PAX2: variants seen among roughly 807,000 people sequenced by gnomAD.
The protein encoded by PAX2 is paired box 2, also known as paired box protein Pax-2.
A neutral mutation model predicts 41.7 loss-of-function variants in PAX2; 9 were observed. The observed-to-expected ratio is 0.22, with a 90% CI of 0.13 to 0.38. The LOEUF is 0.38. PAX2 is among the 10% of genes least tolerant of loss of function. The pLI, the probability that PAX2 is intolerant of heterozygous loss-of-function variation, is 1.00. For missense variants in PAX2, 418 were observed against 531.6 expected (o/e 0.79, Z 2.10); for synonymous variants, 221 against 212.7 (o/e 1.04, Z -0.34).
At chr10:100,818,336 T>G (rs1308246545) in intron 7 of PAX2, among the ~76,000 whole-genome samples, 3 of 152,234 alleles carry the variant, frequency 2.0e-5, no homozygotes, top group Admixed American at 2.0e-4. Context: ...TTTTATTTCC[T>G]TGATCTTCTG....
chr10:100,773,624 G>A (rs1375121010), intron 3 of PAX2, among the ~76,000 whole-genome samples: 3 of 152,052 alleles, frequency 2.0e-5, no homozygotes, highest in Non-Finnish European at 4.4e-5. Flanking sequence ...AAAAGTTCCC[G>A]GTCTGCCTGG....
intron 7 of PAX2, among the ~76,000 whole-genome samples, chr10:100,810,857 G>A (rs1441927283): frequency 2.7e-5 from 4 of 146,758 alleles, no homozygotes; most frequent in African/African-American, 7.4e-5. Context: ...GCCCCCACCC[G>A]CCTCCCCCCC....
rs200331987 is a variant in PAX2, at chr10:100,806,408, C to T, written c.617-22C>T. The T allele has an allele frequency of 5.6e-6, 9 of 1,613,720 alleles. No homozygotes were observed. The Admixed American group carries it at 8.3e-5, about 15-fold the overall frequency. Reference sequence around the variant, plus strand: ...CTCTGCTGGCCTGGCGCTAACGCCCCGAGTGTCCATGTGTTCTCCAGATGT... The same window carrying T: ...CTCTGCTGGCCTGGCGCTAACGCCCTGAGTGTCCATGTGTTCTCCAGATGT... On this transcript the variant is annotated intron_variant, in intron 5 of 9. Transcript: ENST00000355243.
intron 7 of PAX2, among the ~76,000 whole-genome samples, chr10:100,821,236 C>A (rs1218764427): frequency 1.3e-5 from 2 of 152,186 alleles, no homozygotes; most frequent in Non-Finnish European, 2.9e-5. Context: ...AGAGTTTGGT[C>A]AATTTTTTCT....
At chr10:100,737,652 C>T (rs1844822689) in intron 1 of PAX2, among the ~76,000 whole-genome samples, 1 of 152,244 alleles carries the variant, frequency 6.6e-6, no homozygotes, top group African/African-American at 2.4e-5. Context: ...CCCTCCCAGC[C>T]GCCTTCTCCC....
In PAX2 at chr10:100,809,169, A is replaced by G; in HGVS notation, c.852A>G (p.Leu284=). 2 of 1,613,464 alleles carry G rather than the reference A, an allele frequency of 1.2e-6. No individual in the cohort carries two copies. Among genetic ancestry groups the G allele is most frequent in the Non-Finnish European group, 8.5e-7 (1 of 1,179,472 alleles). Residue 284 remains leucine (L), a synonymous_variant, in exon 7 of 10, where the codon CTA becomes CTG. Transcript: ENST00000355243. ...TPGLDEVKSS[L]SASTNPELGS... is the part of the protein sequence containing the mutation. ...GGCTTGATGAAGTCAAGTCGAGTCTATCTGCATCCACCAACCCTGAGCTGG... is the reference window on the plus strand; with the variant it reads ...GGCTTGATGAAGTCAAGTCGAGTCTGTCTGCATCCACCAACCCTGAGCTGG...
chr10:100,817,080 G>T (rs560348296), intron 7 of PAX2, among the ~76,000 whole-genome samples: 7 of 152,146 alleles, frequency 4.6e-5, no homozygotes, highest in African/African-American at 1.4e-4. Flanking sequence ...CAGCATGAGG[G>T]TCTCTCATGC....
intron 3 of PAX2, among the ~76,000 whole-genome samples, chr10:100,755,432 G>A (rs560237654): frequency 2.1e-4 from 32 of 152,346 alleles, no homozygotes; most frequent in African/African-American, 3.1e-4. Context: ...ACGCAAAGAA[G>A]AAAAGAGAGG....
intron 3 of PAX2, among the ~76,000 whole-genome samples, chr10:100,775,837 A>G (rs1846368280): frequency 6.6e-6 from 1 of 152,216 alleles, no homozygotes; most frequent in South Asian, 2.1e-4. Context: ...CCTCTCAGCT[A>G]CTATCCAATC....
exon 1 of PAX2, chr10:100,735,612 G>A: frequency 1.1e-6 from 1 of 942,940 alleles, no homozygotes; most frequent in Non-Finnish European, 1.3e-6. Flanking sequence ...AGATCTCCGG[G>A]CGGCGGCGGC....
chr10:100,809,007 C>A, intron 6 of PAX2, 103 bp from the exon 7 acceptor site: 1 of 1,076,320 alleles, frequency 9.3e-7, no homozygotes, highest in Admixed American at 1.7e-5. Flanking sequence ...CTCTTTCTAC[C>A]CCATCTGGGC....
rs760189898 is a variant in PAX2 at position 100,824,930 on chromosome 10, C to G, written c.1021+181C>G. Reference sequence around the variant, plus strand: ...CTGCAGTTGGTCCCTCATCCTCCCTCATGAGCAAGCCGGGGAGGAAGCTTG... The same window carrying G: ...CTGCAGTTGGTCCCTCATCCTCCCTGATGAGCAAGCCGGGGAGGAAGCTTG... On this transcript the variant is annotated intron_variant, in intron 8 of 9. Transcript: ENST00000355243. This position sits in a 1 kb window ranked among gnomAD's most constrained non-coding sequence, Gnocchi z 6.6. 3.1e-6 allele frequency: 5 copies of G among 1,614,142 alleles called. No individual in the cohort carries two copies. In the Admixed American group the frequency reaches 8.3e-5, roughly 27 times the overall value.
intron 5 of PAX2, among the ~76,000 whole-genome samples, chr10:100,794,095 GA>G (rs1445094129): frequency 6.6e-6 from 1 of 152,150 alleles, no homozygotes; most frequent in African/African-American, 2.4e-5. Flanking sequence ...CAGAGTGTCA[GA>G]TTCTTAAGGG....
chr10:100,739,903 G>A (rs1844894184), intron 1 of PAX2, among the ~76,000 whole-genome samples: 1 of 152,236 alleles, frequency 6.6e-6, no homozygotes, highest in Non-Finnish European at 1.5e-5. Flanking sequence ...GGGAGGAGGG[G>A]AGGGGACAGC....
chr10:100,797,461 A>T (rs185416092), intron 5 of PAX2, among the ~76,000 whole-genome samples: 15 of 152,302 alleles, frequency 9.8e-5, no homozygotes, highest in East Asian at 3.9e-4. Context: ...CATCTACAAA[A>T]TGGGGACAAT....
chr10:100,772,297 G>A (rs1846243463), intron 3 of PAX2, among the ~76,000 whole-genome samples: 1 of 151,930 alleles, frequency 6.6e-6, no homozygotes, highest in Non-Finnish European at 1.5e-5. Flanking sequence ...GGAACCACAA[G>A]CATGTGACAC....
At position 100,781,276 on chromosome 10, in the gene PAX2, G is replaced by T. The variant is rs201925042; in HGVS notation, c.527G>T (p.Ser176Ile). 6.2e-7 allele frequency: 1 copy of T among 1,613,910 alleles called. No individual in the cohort carries two copies. Among genetic ancestry groups the T allele is most frequent in the East Asian group, 2.2e-5 (1 of 44,878 alleles). ...VPSTASPPVS[S>I]ASNDPVGSYS... ...AGCACGGCCTCCCCTCCTGTTTCCA[G>T]CGCCTCCAATGACCCAGTGGGATCC... Residue 176 changes from serine to isoleucine, a missense_variant, in exon 5 of 10, where the codon AGC becomes ATC. Ser to Ile is a moderately radical substitution (Grantham distance 142). Coordinates refer to ENST00000355243, the MANE Select transcript of PAX2 (RefSeq NM_000278.5).
rs1333476713 is a variant in PAX2 at position 100,735,621 on chromosome 10, G to A, written c.-88G>A. 3.1e-5 allele frequency: 32 copies of A among 1,023,524 alleles called. No homozygotes were observed. The South Asian group carries it at 1.3e-3, about 42-fold the overall frequency. The allele number at this position is 1,023,524 out of a possible 1,614,324, so 63.4% of individuals were successfully genotyped here. ...GCGCCCAGATCTCCGGGCGGCGGCG[G>A]CGGCGAAGGCGAGACGCGTTGTCGG... On this transcript the variant is annotated 5_prime_UTR_variant, in exon 1 of 10. Coordinates refer to the PAX2 transcript ENST00000679374.
intron 3 of PAX2, among the ~76,000 whole-genome samples, chr10:100,766,712 C>T (rs1846042345): frequency 6.6e-6 from 1 of 152,178 alleles, no homozygotes; most frequent in African/African-American, 2.4e-5. Context: ...TTCTGAAAAG[C>T]AGCAGTGCAA....
Sources: gnomAD v4.1 joint callset for allele counts (sites outside exome capture counted in the v4.1 genomes callset) on GRCh38, gnomAD v4.1.1 for gene constraint, Gnocchi (gnomAD v3.1) non-coding constraint, MANE v1.5 for transcripts, NCBI Gene and HGNC (gene_info 2026-07-23, HGNC 2026-07-21) for gene names.